Variants in CNTLN observed in about 807,000 individuals in gnomAD.
The protein encoded by CNTLN is centlein, centrosomal protein.
A neutral mutation model predicts 180.0 loss-of-function variants in CNTLN; 212 were observed. That is an observed-to-expected ratio of 1.18 (90% CI 1.05 to 1.32). The LOEUF is 1.32. CNTLN is among the 40% of genes most tolerant of loss of function. The pLI is 0.00. For synonymous variants in CNTLN, 722 were observed against 563.1 expected (o/e 1.28, Z -3.99); for missense variants, 2,095 against 1,610.9 (o/e 1.30, Z -5.14).
chr9:17,263,435 T>A (rs994784283), intron 5 of CNTLN, among the ~76,000 whole-genome samples: 1 of 151,148 alleles, frequency 6.6e-6, no homozygotes, highest in Non-Finnish European at 1.5e-5. Flanking sequence ...CTTAATCCAG[T>A]CTGTCTTTGT....
chr9:17,394,285 A>C (rs1181418874), intron 14 of CNTLN, among the ~76,000 whole-genome samples: 1 of 152,184 alleles, frequency 6.6e-6, no homozygotes, highest in African/African-American at 2.4e-5. Context: ...GCAGTTTATT[A>C]GCATACTTAG....
At chr9:17,174,973 C>A (rs1381788153) in intron 2 of CNTLN, among the ~76,000 whole-genome samples, 1 of 152,044 alleles carries the variant, frequency 6.6e-6, no homozygotes, top group East Asian at 1.9e-4. Flanking sequence ...TGTCTTTTGC[C>A]CATTTCCTAT....
At chr9:17,153,031 T>G (rs1463855984) in intron 2 of CNTLN, among the ~76,000 whole-genome samples, 2 of 152,198 alleles carry the variant, frequency 1.3e-5, no homozygotes, top group African/African-American at 4.8e-5. Context: ...TCCATCCCTG[T>G]ATTTTGAGCC....
At chr9:17,489,742 G>T (rs945716958) in intron 25 of CNTLN, among the ~76,000 whole-genome samples, 6 of 151,950 alleles carry the variant, frequency 3.9e-5, no homozygotes, top group African/African-American at 1.5e-4. Context: ...TTTAACTTAT[G>T]TATATTTGAT....
At chr9:17,399,442 C>T (rs1470848060) in intron 15 of CNTLN, among the ~76,000 whole-genome samples, 3 of 152,140 alleles carry the variant, frequency 2.0e-5, no homozygotes, top group Non-Finnish European at 4.4e-5. Flanking sequence ...GCCTGTCTGA[C>T]TTCATGTCTC....
In CNTLN at chr9:17,330,703, A is replaced by T; in HGVS notation, c.1413A>T (p.Leu471Phe). 1 of 1,611,998 alleles carries T rather than the reference A, an allele frequency of 6.2e-7. No individual in the cohort carries two copies. Among genetic ancestry groups the T allele is most frequent in the Non-Finnish European group, 8.5e-7 (1 of 1,178,570 alleles). ...MVSQKSEIEY[L>F]QEKLKIANEK... ...CACAGAAGTCTGAAATTGAGTATTT[A>T]CAGGAGAAACTAAAGATAGCAAATG... Residue 471 changes from leucine (L) to phenylalanine (F), a missense_variant, in exon 9 of 26, where the codon TTA (leucine) becomes TTT (phenylalanine). Leu to Phe is a conservative substitution (Grantham distance 22). Transcript: ENST00000380647.
intron 13 of CNTLN, among the ~76,000 whole-genome samples, chr9:17,373,163 A>G (rs1163548280): frequency 6.6e-6 from 1 of 152,214 alleles, no homozygotes; most frequent in Non-Finnish European, 1.5e-5. Context: ...AAGAAAGGGC[A>G]TCCAAATTAG....
At chr9:17,359,824 T>A (rs937860986) in intron 12 of CNTLN, among the ~76,000 whole-genome samples, 2 of 147,234 alleles carry the variant, frequency 1.4e-5, no homozygotes, top group Non-Finnish European at 3.0e-5. Context: ...GGCGTGAACC[T>A]GGGAGGCGGA....
At chr9:17,178,549 A>T (rs1272128072) in intron 2 of CNTLN, among the ~76,000 whole-genome samples, 1 of 152,072 alleles carries the variant, frequency 6.6e-6, no homozygotes, top group African/African-American at 2.4e-5. Context: ...GGCATGGCGA[A>T]TTGCAGGTCT....
At chr9:17,362,669 C>G (rs1331188053) in intron 12 of CNTLN, among the ~76,000 whole-genome samples, 1 of 152,000 alleles carries the variant, frequency 6.6e-6, no homozygotes, top group East Asian at 1.9e-4. Context: ...CCTGGTAAAT[C>G]ATTTTTGATC....
chr9:17,464,743 G>T, intron 21 of CNTLN, 120 bp downstream of exon 21: 1 of 581,588 alleles, frequency 1.7e-6, no homozygotes, highest in Non-Finnish European at 2.8e-6. Context: ...TGTATTTACT[G>T]TTACAAAGTA....
chr9:17,191,647 A>AT (rs1327664848), intron 2 of CNTLN, among the ~76,000 whole-genome samples: 1 of 152,216 alleles, frequency 6.6e-6, no homozygotes, highest in East Asian at 1.9e-4. Context: ...AATATATGAC[A>AT]TTTTTTTGAT....
chr9:17,191,046 C>T (rs768100514), intron 2 of CNTLN, among the ~76,000 whole-genome samples: 3 of 152,040 alleles, frequency 2.0e-5, no homozygotes, highest in Non-Finnish European at 2.9e-5. Context: ...CTAATAGTTC[C>T]GTGGATTAAA....
the CNTLN span, among the ~76,000 whole-genome samples, chr9:17,526,216 T>A: frequency 1.3e-5 from 2 of 152,206 alleles, no homozygotes; most frequent in South Asian, 4.1e-4. Context: ...ATTACAGGCG[T>A]GAGCCACCGT....
intron 5 of CNTLN, among the ~76,000 whole-genome samples, chr9:17,262,630 G>A (rs896075157): frequency 7.9e-5 from 12 of 151,104 alleles, no homozygotes; most frequent in Admixed American, 5.3e-4. Context: ...TGCATATTTC[G>A]GGGTTAACAC....
At chr9:17,402,202 A>G (rs746301416) in intron 15 of CNTLN, among the ~76,000 whole-genome samples, 25 of 151,828 alleles carry the variant, frequency 1.6e-4, no homozygotes, top group Admixed American at 3.3e-4. Flanking sequence ...AGTGGCAGAT[A>G]TTTTATTTCC....
In CNTLN at chr9:17,135,050, G is replaced by GT; in HGVS notation, c.-14dup. ...GAGTTTCCAACAGGGAACTTGACCC[G>GT]TTAGCAGCCGCAGCCATGGCGGCGC... On this transcript the variant is annotated 5_prime_UTR_variant, in exon 1 of 26. Transcript: ENST00000380647. 6.3e-7 allele frequency: 1 copy of GT among 1,588,674 alleles called. No individual in the cohort carries two copies. Among genetic ancestry groups the GT allele is most frequent in the South Asian group, 1.1e-5 (1 of 89,134 alleles).
At chr9:17,210,212 G>A (rs1351527883) in intron 2 of CNTLN, among the ~76,000 whole-genome samples, 9 of 151,854 alleles carry the variant, frequency 5.9e-5, no homozygotes, top group South Asian at 4.1e-4. Flanking sequence ...ATTCCTCCCC[G>A]CTCCCCCTAC....
intron 8 of CNTLN, among the ~76,000 whole-genome samples, chr9:17,312,536 G>A (rs1323515441): frequency 1.0e-4 from 15 of 145,566 alleles, no homozygotes; most frequent in Admixed American, 7.0e-4. Context: ...ACAGGTGCCC[G>A]CCACCAAGCC....
Sources: allele counts gnomAD v4.1 joint callset (sites outside exome capture counted in the v4.1 genomes callset), GRCh38; gene constraint gnomAD v4.1.1; transcripts MANE v1.5; gene names NCBI Gene and HGNC (gene_info 2026-07-23, HGNC 2026-07-21).